The following ADD2 variants were observed in gnomAD, a reference collection of about 807,000 sequenced individuals.
ADD2 encodes the protein adducin 2.
A neutral mutation model predicts 83.0 loss-of-function variants in ADD2; 23 were observed. The ratio of observed to expected loss-of-function variants is 0.28; its 90% CI spans 0.20 to 0.39. ADD2 has a LOEUF of 0.39. Ranked by LOEUF, ADD2 falls within the 10% of genes least tolerant of loss-of-function variation. The pLI, the probability that ADD2 is intolerant of heterozygous loss-of-function variation, is 1.00. For missense variants in ADD2, 758 were observed against 944.9 expected (o/e 0.80, Z 2.59); for synonymous variants, 375 against 375.4 (o/e 1.00, Z 0.01).
At chr2:70,688,887 A>T (rs1475017344) in intron 8 of ADD2, among the ~76,000 whole-genome samples, 1 of 152,184 alleles carries the variant, frequency 6.6e-6, no homozygotes, top group East Asian at 1.9e-4. Context: ...ACTTGAGGTC[A>T]GGAGTTCGAG....
At chr2:70,690,335 G>C (rs1422963885) in intron 8 of ADD2, among the ~76,000 whole-genome samples, 2 of 152,126 alleles carry the variant, frequency 1.3e-5, no homozygotes, top group Non-Finnish European at 2.9e-5. Flanking sequence ...GGGCTCAAGT[G>C]CTCCACCCAC....
intron 2 of ADD2, chr2:70,711,138 T>C (rs1174574948): frequency 1.3e-5 from 2 of 152,206 alleles, no homozygotes; most frequent in African/African-American, 4.8e-5. Context: ...CTCACCAGGA[T>C]GCTGAAGATC....
chr2:70,666,277 T>C lies in ADD2; in HGVS notation c.1871-2542A>G, dbSNP rs967626256. Among the ~76,000 whole-genome samples, 6 of 152,242 alleles carry C rather than the reference T, an allele frequency of 3.9e-5. 1 individual carries two copies. The highest frequency in any genetic ancestry group is 7.3e-5 in the Non-Finnish European group (5 of 68,042). Reference sequence around the variant, plus strand: ...ATGAGCAAATAAATGAATATGTGAATGGATTTATTCTAACCAAGCCAATAT... The same window carrying C: ...ATGAGCAAATAAATGAATATGTGAACGGATTTATTCTAACCAAGCCAATAT... On this transcript the variant is annotated intron_variant, in intron 15 of 15. Transcript: ENST00000264436.
chr2:70,684,145 C>T (rs577002459), intron 9 of ADD2, among the ~76,000 whole-genome samples: 3 of 152,276 alleles, frequency 2.0e-5, no homozygotes, highest in African/African-American at 7.2e-5. Flanking sequence ...TTTTGTTCTT[C>T]AAGATTTGAA....
intron 1 of ADD2, among the ~76,000 whole-genome samples, chr2:70,748,137 A>C (rs1452741844): frequency 2.0e-5 from 3 of 152,110 alleles, no homozygotes; most frequent in Non-Finnish European, 4.4e-5. Flanking sequence ...ACCTCCATAT[A>C]GTTTTTCTCC....
intron 1 of ADD2, among the ~76,000 whole-genome samples, chr2:70,766,166 A>C (rs1675369630): frequency 6.6e-6 from 1 of 152,256 alleles, no homozygotes; most frequent in Non-Finnish European, 1.5e-5. Flanking sequence ...TTTGGTGGAC[A>C]AGAAAGAACA....
chr2:70,677,623 G>C (rs1670231562), intron 12 of ADD2, 135 bp downstream of exon 12: 18 of 1,175,898 alleles, frequency 1.5e-5, no homozygotes, highest in Admixed American at 2.1e-5. Context: ...GTCAGTCAAT[G>C]GTAGTTTCTC....
chr2:70,758,370 G>C (rs1166323983), intron 1 of ADD2, among the ~76,000 whole-genome samples: 2 of 145,114 alleles, frequency 1.4e-5, no homozygotes, highest in Admixed American at 6.8e-5. Flanking sequence ...CTTTCTAAAA[G>C]AACTAACTGG....
In ADD2 at chr2:70,659,470, T is replaced by C. The variant is rs1553364650; in HGVS notation, c.*3955A>G. ...GAATGGGATTCAAATTCAGTCTACA[T>C]GGATCAGTGGCAGAGGGCAGTGCTT... On this transcript the variant is annotated 3_prime_UTR_variant, in exon 16 of 16. Transcript: ENST00000264436. The C allele has an allele frequency of 6.6e-6, 1 of 152,230 alleles. No homozygotes were observed. Among genetic ancestry groups the C allele is most frequent in the East Asian group, 1.9e-4 (1 of 5,190 alleles). 9.4% of individuals were successfully genotyped at this position (152,230 alleles called of 1,614,324 possible).
intron 2 of ADD2, among the ~76,000 whole-genome samples, chr2:70,708,357 G>A (rs1311516186): frequency 6.6e-6 from 1 of 152,098 alleles, no homozygotes; most frequent in African/African-American, 2.4e-5. Context: ...AGCATCACCT[G>A]GGAACTTTAA....
At position 70,726,186 on chromosome 2, in the gene ADD2, CA is replaced by C. The variant is rs34333514; in HGVS notation, c.-153-13003del. On this transcript the variant is annotated intron_variant, in intron 1 of 15. Coordinates refer to ENST00000264436, the MANE Select transcript of ADD2 (RefSeq NM_001617.4). ...TGGGCGACAGAGCGAGACTCCATCT[CA>C]AAAAAAAAAAAAAAAAAAAAAAAAA... Among the ~76,000 whole-genome samples the C allele has an allele frequency of 4.0e-3, 180 of 45,472 alleles. No individual in the cohort carries two copies. In the Middle Eastern group the frequency reaches 0.05, roughly 13 times the overall value. 29.8% of individuals were successfully genotyped at this position (45,472 alleles called of 152,430 possible).
intron 9 of ADD2, 76 bp from the exon 10 acceptor site, chr2:70,683,843 T>A: frequency 6.7e-7 from 1 of 1,490,754 alleles, no homozygotes; most frequent in Non-Finnish European, 9.0e-7. Context: ...CTGTATGTGA[T>A]GAGAGAATGG....
intron 15 of ADD2, among the ~76,000 whole-genome samples, chr2:70,667,706 C>A (rs1396730538): frequency 6.7e-6 from 1 of 150,196 alleles, no homozygotes; most frequent in African/African-American, 2.4e-5. Flanking sequence ...GCAACCTCTG[C>A]CTCCCGGGTT....
rs907016391 is a variant in ADD2, at chr2:70,727,916, T to G, written c.-153-14732A>C. ...GTCAATAAATAAATAAATAAATAAATAAATAAATAAATAAATAAAATGCAG... is the reference window on the plus strand; with the variant it reads ...GTCAATAAATAAATAAATAAATAAAGAAATAAATAAATAAATAAAATGCAG... On this transcript the variant is annotated intron_variant, in intron 1 of 15. Coordinates refer to ENST00000264436, the MANE Select transcript of ADD2 (RefSeq NM_001617.4). Among the ~76,000 whole-genome samples, 4 of 150,702 alleles carry G rather than the reference T, an allele frequency of 2.7e-5. No homozygotes were observed. The South Asian group carries it at 8.4e-4, about 32-fold the overall frequency.
intron 15 of ADD2, 53 bp downstream of exon 15, chr2:70,672,825 A>T: frequency 6.4e-7 from 1 of 1,553,000 alleles, no homozygotes; most frequent in East Asian, 2.3e-5. Context: ...GCACCTTCCC[A>T]GCCTGCAGAT....
intron 1 of ADD2, among the ~76,000 whole-genome samples, chr2:70,736,129 G>C (rs927417584): frequency 8.6e-5 from 13 of 152,024 alleles, no homozygotes; most frequent in Admixed American, 2.6e-4. Context: ...TGCCGGGGGT[G>C]GGGGGCAGAA....
intron 1 of ADD2, among the ~76,000 whole-genome samples, chr2:70,724,281 C>T (rs1014922419): frequency 6.6e-6 from 1 of 152,234 alleles, no homozygotes; most frequent in Admixed American, 6.5e-5. Context: ...GCCTTAGCAG[C>T]TCTGTGGCCT....
Position 70,658,893 on chromosome 2 carries a change from C to T in ADD2, c.*4532G>A, listed in dbSNP as rs7559432. Reference sequence around the variant, plus strand: ...GGCACAGTGGCTCATTCCTGTAATCCCAGCACTTTGGGAAGCCGAGGCAGG... The same window carrying T: ...GGCACAGTGGCTCATTCCTGTAATCTCAGCACTTTGGGAAGCCGAGGCAGG... On this transcript the variant is annotated 3_prime_UTR_variant, in exon 16 of 16. Transcript: ENST00000264436. 20,936 of 151,992 alleles carry T rather than the reference C, an allele frequency of 0.14. 1,556 individuals are homozygous for T. The highest frequency in any genetic ancestry group is 0.19 in the African/African-American group (7,858 of 41,438). 9.4% of individuals were successfully genotyped at this position (151,992 alleles called of 1,614,324 possible).
rs1157919885 is a variant in ADD2, at chr2:70,657,518, A to G, written c.*5907T>C. 3.3e-5 allele frequency: 5 copies of G among 152,166 alleles called. No homozygotes were observed. Among genetic ancestry groups the G allele is most frequent in the African/African-American group, 1.2e-4 (5 of 41,430 alleles). The allele number at this position is 152,166 out of a possible 1,614,324, so 9.4% of individuals were successfully genotyped here. On this transcript the variant is annotated 3_prime_UTR_variant, in exon 16 of 16. Coordinates refer to ENST00000264436, the MANE Select transcript of ADD2 (RefSeq NM_001617.4). ...TTGGGTATCAATCAATCACCCACAAAGCAGGACCAACAGGTGTGAGGTGGA... is the reference window on the plus strand; with the variant it reads ...TTGGGTATCAATCAATCACCCACAAGGCAGGACCAACAGGTGTGAGGTGGA...
Sources: allele counts gnomAD v4.1 joint callset (sites outside exome capture counted in the v4.1 genomes callset), GRCh38; gene constraint gnomAD v4.1.1; transcripts MANE v1.5; gene names NCBI Gene and HGNC (gene_info 2026-07-23, HGNC 2026-07-21).